Variants in CHRM3 observed in about 807,000 individuals in gnomAD.
CHRM3 encodes muscarinic acetylcholine receptor M3.
In CHRM3, 11 loss-of-function variants were observed where a neutral mutation model predicts 41.8. That is an observed-to-expected ratio of 0.26 (90% CI 0.17 to 0.44). CHRM3 has a LOEUF of 0.44. Among genes scored for constraint, CHRM3 ranks in the 20% least tolerant of loss-of-function variants. CHRM3 has a pLI of 1.00. For missense variants in CHRM3, 571 were observed against 745.4 expected (o/e 0.77, Z 2.72); for synonymous variants, 297 against 301.4 (o/e 0.99, Z 0.15).
intron 4 of CHRM3, among the ~76,000 whole-genome samples, chr1:239,662,660 A>G (rs1172046391): frequency 6.6e-6 from 1 of 152,174 alleles, no homozygotes; most frequent in Non-Finnish European, 1.5e-5. Flanking sequence ...GTATCTAGTA[A>G]CTTGACAGAC....
At chr1:239,404,265 G>A (rs1660254316) in intron 1 of CHRM3, among the ~76,000 whole-genome samples, 1 of 148,278 alleles carries the variant, frequency 6.7e-6, no homozygotes, top group African/African-American at 2.5e-5. Context: ...CTCCAGCCTG[G>A]GTGACAGAGC....
chr1:239,825,605 C>G (rs1284171441), intron 5 of CHRM3, among the ~76,000 whole-genome samples: 2 of 152,026 alleles, frequency 1.3e-5, no homozygotes, highest in Non-Finnish European at 2.9e-5. Context: ...TTCACAATAC[C>G]CAAAAGACGG....
At chr1:239,588,612 C>T (rs1331166235) in intron 3 of CHRM3, among the ~76,000 whole-genome samples, 1 of 152,120 alleles carries the variant, frequency 6.6e-6, no homozygotes, top group African/African-American at 2.4e-5. Flanking sequence ...CAGTGAGGCC[C>T]TTCAAAACAT....
chr1:239,565,472 T>A (rs1661263295), intron 3 of CHRM3, among the ~76,000 whole-genome samples: 1 of 152,190 alleles, frequency 6.6e-6, no homozygotes, highest in South Asian at 2.1e-4. Context: ...CCCCAGATGC[T>A]GCATCTGGTC....
At chr1:239,560,088 G>A (rs1302533633) in intron 3 of CHRM3, among the ~76,000 whole-genome samples, 2 of 152,262 alleles carry the variant, frequency 1.3e-5, no homozygotes, top group East Asian at 1.9e-4. Flanking sequence ...AAATATATGT[G>A]TGTAAAACAC....
chr1:239,586,313 C>A (rs2148613781), intron 3 of CHRM3, among the ~76,000 whole-genome samples: 1 of 151,664 alleles, frequency 6.6e-6, no homozygotes, highest in South Asian at 2.1e-4. Context: ...GGAATTACAC[C>A]AAAGCTTATT....
At chr1:239,884,406 G>T (rs1677896602) in intron 6 of CHRM3, among the ~76,000 whole-genome samples, 1 of 152,202 alleles carries the variant, frequency 6.6e-6, no homozygotes, top group African/African-American at 2.4e-5. Context: ...CTCTCCTAGA[G>T]CCTCTGGAGG....
At chr1:239,540,155 A>G (rs1039906228) in intron 2 of CHRM3, among the ~76,000 whole-genome samples, 3 of 152,312 alleles carry the variant, frequency 2.0e-5, no homozygotes. Context: ...CTTTCTCAGA[A>G]TGTGTCCTCA....
At position 239,830,478 on chromosome 1, in the gene CHRM3, C is replaced by T. The variant is rs111590838; in HGVS notation, c.-20+3100C>T. Among the ~76,000 whole-genome samples the T allele has an allele frequency of 2.2e-4, 34 of 152,122 alleles. 1 individual carries two copies. Among genetic ancestry groups the T allele is most frequent in the African/African-American group, 7.0e-4 (29 of 41,508 alleles). Reference sequence around the variant, plus strand: ...CAGCACTTTGGGAGGCCGAGGCGGGCGGATCACGAGCTCAGGAGTTCGAGA... The same window carrying T: ...CAGCACTTTGGGAGGCCGAGGCGGGTGGATCACGAGCTCAGGAGTTCGAGA... On this transcript the variant is annotated intron_variant, in intron 6 of 6. Coordinates refer to ENST00000676153, the MANE Select transcript of CHRM3 (RefSeq NM_001375978.1).
intron 2 of CHRM3, among the ~76,000 whole-genome samples, chr1:239,500,859 A>G (rs1363807957): frequency 6.6e-6 from 1 of 152,182 alleles, no homozygotes; most frequent in Non-Finnish European, 1.5e-5. Context: ...AGAACTCACC[A>G]ACCATCTGCT....
At chr1:239,443,403 T>C (rs1373947527) in intron 1 of CHRM3, among the ~76,000 whole-genome samples, 1 of 152,000 alleles carries the variant, frequency 6.6e-6, no homozygotes, top group African/African-American at 2.4e-5. Flanking sequence ...GCAAAATTGA[T>C]ATCAATTTCT....
At chr1:239,482,698 T>C (rs975766483) in intron 1 of CHRM3, among the ~76,000 whole-genome samples, 5 of 152,222 alleles carry the variant, frequency 3.3e-5, no homozygotes, top group African/African-American at 9.6e-5. Context: ...CTGGTTTGTC[T>C]ATGTTCTTTC....
At chr1:239,495,304 C>T (rs1667808921) in intron 2 of CHRM3, among the ~76,000 whole-genome samples, 1 of 152,284 alleles carries the variant, frequency 6.6e-6, no homozygotes, top group Non-Finnish European at 1.5e-5. Context: ...GTCTTCCCCA[C>T]ATTAAAGCAC....
chr1:239,527,387 C>T (rs769232670), intron 2 of CHRM3, among the ~76,000 whole-genome samples: 1 of 152,062 alleles, frequency 6.6e-6, no homozygotes, highest in African/African-American at 2.4e-5. Flanking sequence ...ATAATTGAGG[C>T]CCTTACAAAG....
At chr1:239,441,404 C>T (rs962270030) in intron 1 of CHRM3, among the ~76,000 whole-genome samples, 10 of 152,154 alleles carry the variant, frequency 6.6e-5, no homozygotes, top group African/African-American at 2.4e-4. Context: ...TCTTTTGTCC[C>T]TATAAAAGGT....
intron 5 of CHRM3, among the ~76,000 whole-genome samples, chr1:239,760,116 G>A (rs1666623083): frequency 1.3e-5 from 2 of 150,970 alleles, no homozygotes; most frequent in South Asian, 4.2e-4. Flanking sequence ...CAGTAGAAAC[G>A]GGGTTTCACC....
chr1:239,616,606 G>A (rs1175208638), intron 3 of CHRM3, among the ~76,000 whole-genome samples: 5 of 152,140 alleles, frequency 3.3e-5, no homozygotes, highest in Non-Finnish European at 5.9e-5. Flanking sequence ...AATTAAATAT[G>A]TTGTTTGCCG....
intron 6 of CHRM3, among the ~76,000 whole-genome samples, chr1:239,894,890 A>ATGG (rs1656415726): frequency 6.6e-6 from 1 of 152,178 alleles, no homozygotes; most frequent in Non-Finnish European, 1.5e-5. Flanking sequence ...CTGAAGTCTC[A>ATGG]CGGCTCATAA....
chr1:239,650,493 G>A (rs1672134879), intron 4 of CHRM3, among the ~76,000 whole-genome samples: 1 of 152,162 alleles, frequency 6.6e-6, no homozygotes, highest in East Asian at 1.9e-4. Context: ...ATGAGGAATG[G>A]CTTCACTCTG....
Sources: allele counts gnomAD v4.1 joint callset (sites outside exome capture counted in the v4.1 genomes callset), GRCh38; gene constraint gnomAD v4.1.1; transcripts MANE v1.5; gene names NCBI Gene and HGNC (gene_info 2026-07-23, HGNC 2026-07-21).